Variants in EML6 observed in about 807,000 individuals in gnomAD.
The protein encoded by EML6 is EMAP like 6.
In EML6, 154 loss-of-function variants were observed where a neutral mutation model predicts 240.1. The observed-to-expected ratio is 0.64, with a 90% CI of 0.56 to 0.73. EML6 has a LOEUF of 0.73. Among genes scored for constraint, EML6 ranks in the 30% least tolerant of loss-of-function variants. The pLI is 0.00. For synonymous variants in EML6, 1,148 were observed against 899.0 expected (o/e 1.28, Z -4.95); for missense variants, 2,964 against 2,474.6 (o/e 1.20, Z -4.20).
chr2:54,930,447 C>T (rs1429683831), intron 28 of EML6, among the ~76,000 whole-genome samples: 2 of 152,016 alleles, frequency 1.3e-5, no homozygotes, highest in Non-Finnish European at 2.9e-5. Flanking sequence ...AATTTTCATG[C>T]TACCCCATTT....
intron 29 of EML6, 69 bp downstream of exon 29, chr2:54,949,029 G>A (rs985196531): frequency 1.7e-6 from 2 of 1,153,998 alleles, no homozygotes; most frequent in South Asian, 1.3e-5. Context: ...ATCCCCATCT[G>A]CACGTCCCAA....
intron 26 of EML6, among the ~76,000 whole-genome samples, chr2:54,921,722 A>C (rs1177685227): frequency 6.6e-6 from 1 of 152,102 alleles, no homozygotes; most frequent in Non-Finnish European, 1.5e-5. Flanking sequence ...TGGTACTGAC[A>C]TAAAAACACA....
intron 26 of EML6, among the ~76,000 whole-genome samples, chr2:54,917,371 T>TTTTTTG (rs1673976867): frequency 6.0e-5 from 9 of 149,956 alleles, no homozygotes; most frequent in Non-Finnish European, 1.3e-4. Flanking sequence ...TTTTTTTTTT[T>TTTTTTG]TTTTGTTTTT....
In EML6 at chr2:54,887,671, A is replaced by G. The variant is rs1393074252; in HGVS notation, c.2439-3383A>G. Among the ~76,000 whole-genome samples, 3 of 152,218 alleles carry G rather than the reference A, an allele frequency of 2.0e-5. No homozygotes were observed. The East Asian group carries it at 5.8e-4, about 29-fold the overall frequency. On this transcript the variant is annotated intron_variant, in intron 17 of 41. Transcript: ENST00000356458. ...TAAGTCTCTAAATAGTTTAGAATCT[A>G]TCCTAGTATCTGAGGAACAGGTCCA...
At chr2:54,790,187 C>T (rs1669354964) in intron 2 of EML6, among the ~76,000 whole-genome samples, 1 of 152,108 alleles carries the variant, frequency 6.6e-6, no homozygotes, top group Non-Finnish European at 1.5e-5. Context: ...ATAGTGGGCA[C>T]TTATTTCTAA....
At chr2:54,910,908 TAA>T (rs1056766439) in intron 24 of EML6, 44 bp from the exon 25 acceptor site, 1 of 969,300 alleles carries the variant, frequency 1.0e-6, no homozygotes. Flanking sequence ...AATAAAGAGA[TAA>T]AGTCAGATTT....
chr2:54,867,052 C>T, intron 14 of EML6, 168 bp downstream of exon 14: 1 of 484,432 alleles, frequency 2.1e-6, no homozygotes, highest in Non-Finnish European at 3.8e-6. Context: ...TTAAGTGTGA[C>T]TCTCTATCCA....
chr2:54,904,028 G>C (rs1483957190), intron 24 of EML6, among the ~76,000 whole-genome samples: 2 of 152,124 alleles, frequency 1.3e-5, no homozygotes, highest in Non-Finnish European at 2.9e-5. Context: ...AATGCCATGA[G>C]GATTTGTCTA....
chr2:54,970,022 A>T, intron 41 of EML6, 49 bp from the exon 42 acceptor site: 1 of 1,548,136 alleles, frequency 6.5e-7, no homozygotes, highest in Non-Finnish European at 8.7e-7. Context: ...CACTTGACAC[A>T]AGTATGATGT....
At chr2:54,856,620 C>T (rs1670395505) in intron 11 of EML6, among the ~76,000 whole-genome samples, 1 of 152,258 alleles carries the variant, frequency 6.6e-6, no homozygotes, top group Non-Finnish European at 1.5e-5. Context: ...AAGCTTGATG[C>T]AGTGCAGAAG....
In EML6 at chr2:54,959,404, C is replaced by T. The variant is rs1044168609; in HGVS notation, c.4853+143C>T. On this transcript the variant is annotated intron_variant, in intron 34 of 41. Coordinates refer to ENST00000356458, the MANE Select transcript of EML6 (RefSeq NM_001039753.4). ...TAGGAAGATCAGTCTGCTCTCTCTC[C>T]AAGAGGGCCCTAAGTCAAGATCCTC... 7.9e-6 allele frequency: 6 copies of T among 756,786 alleles called. No individual in the cohort carries two copies. The East Asian group carries it at 8.5e-5, about 11-fold the overall frequency. The allele number at this position is 756,786 out of a possible 1,614,324, so 46.9% of individuals were successfully genotyped here. A position where few individuals can be genotyped will look rare whatever the true frequency, so the allele number is the denominator to read the frequency against.
In EML6 at chr2:54,853,860, G is replaced by A. The variant is rs911086493; in HGVS notation, c.1657+5G>A. 17 of 1,539,238 alleles carry A rather than the reference G, an allele frequency of 1.1e-5. No homozygotes were observed. Among genetic ancestry groups the A allele is most frequent in the Non-Finnish European group, 1.5e-5 (17 of 1,136,596 alleles). On this transcript the variant is annotated splice_donor_5th_base_variant and intron_variant, in intron 11 of 41. Coordinates refer to ENST00000356458, the MANE Select transcript of EML6 (RefSeq NM_001039753.4). ...AATTTCCTTGTCTCAAGAGAGGTAA[G>A]GCCAAAAGAGATGTTTCATTGCATA...
intron 2 of EML6, among the ~76,000 whole-genome samples, chr2:54,736,800 A>G (rs1374418407): frequency 6.6e-6 from 1 of 152,146 alleles, no homozygotes; most frequent in African/African-American, 2.4e-5. Flanking sequence ...CCTACCTGAT[A>G]CATACAGGGG....
intron 2 of EML6, among the ~76,000 whole-genome samples, chr2:54,777,569 C>G (rs1377039955): frequency 6.6e-6 from 1 of 152,184 alleles, no homozygotes; most frequent in Non-Finnish European, 1.5e-5. Flanking sequence ...AATGTAATTA[C>G]TATCTTGGTG....
intron 28 of EML6, among the ~76,000 whole-genome samples, chr2:54,935,405 G>C (rs1675085210): frequency 6.6e-6 from 1 of 152,146 alleles, no homozygotes; most frequent in South Asian, 2.1e-4. Flanking sequence ...TTTTACTGTT[G>C]AACAGTAATT....
At chr2:54,848,667 C>G (rs1558608905) in intron 9 of EML6, among the ~76,000 whole-genome samples, 1 of 152,106 alleles carries the variant, frequency 6.6e-6, no homozygotes, top group African/African-American at 2.4e-5. Context: ...TTTATGTATT[C>G]AGTTTATTTG....
intron 7 of EML6, among the ~76,000 whole-genome samples, chr2:54,837,295 A>G (rs1558595222): frequency 6.6e-6 from 1 of 151,892 alleles, no homozygotes; most frequent in African/African-American, 2.4e-5. Context: ...CTGAATCCTC[A>G]TTTTTTTTCC....
At chr2:54,782,857 G>A (rs776172123) in intron 2 of EML6, among the ~76,000 whole-genome samples, 12 of 152,122 alleles carry the variant, frequency 7.9e-5, no homozygotes, top group Non-Finnish European at 5.9e-5. Context: ...TGCCTACCGT[G>A]TAACCTATGG....
At chr2:54,968,074 A>T (rs1466095408) in intron 39 of EML6, 54 bp from the exon 40 acceptor site, 16 of 1,521,338 alleles carry the variant, frequency 1.1e-5, no homozygotes, top group Non-Finnish European at 1.4e-5. Flanking sequence ...ACTGACTGCA[A>T]GGAGCCTTCG....
Sources: allele counts gnomAD v4.1 joint callset (sites outside exome capture counted in the v4.1 genomes callset), GRCh38; gene constraint gnomAD v4.1.1; transcripts MANE v1.5; gene names NCBI Gene and HGNC (gene_info 2026-07-23, HGNC 2026-07-21).